UBE2H: variants seen among roughly 807,000 people sequenced by gnomAD.
UBE2H encodes ubiquitin-conjugating enzyme E2 H.
Under a neutral mutation model 29.0 loss-of-function variants are expected in UBE2H, and 3 were observed. That is an observed-to-expected ratio of 0.10 (90% CI 0.05 to 0.27). UBE2H has a LOEUF of 0.27. Ranked by LOEUF, UBE2H falls within the 10% of genes least tolerant of loss-of-function variation. The pLI is 1.00. For missense variants in UBE2H, 68 were observed against 228.2 expected (o/e 0.30, Z 4.52); for synonymous variants, 69 against 82.9 (o/e 0.83, Z 0.91).
intron 5 of UBE2H, among the ~76,000 whole-genome samples, chr7:129,843,050 G>T (rs774690112): frequency 6.8e-6 from 1 of 148,034 alleles, no homozygotes; most frequent in East Asian, 2.0e-4. Flanking sequence ...CCAGGCTGGG[G>T]TGCAGTAGTG....
chr7:129,880,762 T>A, intron 2 of UBE2H, 133 bp downstream of exon 2: 1 of 671,996 alleles, frequency 1.5e-6, no homozygotes, highest in Non-Finnish European at 2.5e-6. Flanking sequence ...GAGAAAGATT[T>A]CCTCACTGGT....
chr7:129,850,962 G>GA (rs1805599218), intron 5 of UBE2H, among the ~76,000 whole-genome samples: 2 of 152,240 alleles, frequency 1.3e-5, no homozygotes, highest in South Asian at 4.2e-4. Context: ...GCAGGGTGCT[G>GA]AAACTGGGAA....
intron 5 of UBE2H, among the ~76,000 whole-genome samples, chr7:129,840,327 T>C (rs1036603245): frequency 2.8e-4 from 42 of 152,010 alleles, no homozygotes; most frequent in African/African-American, 8.2e-4. Context: ...AATTGGACTA[T>C]AGGCATGTGC....
At chr7:129,854,067 T>TTTATTTTTTTATTTTTTTTTA (rs1805661048) in intron 5 of UBE2H, among the ~76,000 whole-genome samples, 1 of 148,784 alleles carries the variant, frequency 6.7e-6, no homozygotes, top group African/African-American at 2.5e-5. Context: ...TTAGTTTTTT[T>TTTATTTTTTTATTTTTTTTTA]TTTTTTTTTT....
At position 129,939,018 on chromosome 7, in the gene UBE2H, C is replaced by T. The variant is rs546230353; in HGVS notation, c.53+13485G>A. 3.9e-5 allele frequency among the ~76,000 whole-genome samples: 6 copies of T among 152,066 alleles called. No individual in the cohort carries two copies. In the East Asian group the frequency reaches 9.7e-4, roughly 25 times the overall value. On this transcript the variant is annotated intron_variant, in intron 1 of 6. Coordinates refer to ENST00000355621, the MANE Select transcript of UBE2H (RefSeq NM_003344.4). Reference sequence around the variant, plus strand: ...TTCACCATGTTGGCCAGGCTGGTCTCGAACTCCTGACCTCAGGTGATCTAT... The same window carrying T: ...TTCACCATGTTGGCCAGGCTGGTCTTGAACTCCTGACCTCAGGTGATCTAT...
chr7:129,870,096 A>C (rs992137383), intron 3 of UBE2H, among the ~76,000 whole-genome samples: 1 of 152,060 alleles, frequency 6.6e-6, no homozygotes, highest in African/African-American at 2.4e-5. Context: ...AAAAATTTCT[A>C]AACTCCTCCC....
intron 1 of UBE2H, among the ~76,000 whole-genome samples, chr7:129,919,100 T>TAAAAAAAAAAAAAAAAAAAAACAAAAAA (rs1204331286): frequency 1.4e-5 from 1 of 72,186 alleles, no homozygotes. Flanking sequence ...AAAAACAAAG[T>TAAAAAAAAAAAAAAAAAAAAACAAAAAA]AAAAAAAAAA....
At chr7:129,887,598 C>T (rs1419476108) in intron 1 of UBE2H, among the ~76,000 whole-genome samples, 4 of 151,966 alleles carry the variant, frequency 2.6e-5, no homozygotes, top group Non-Finnish European at 5.9e-5. Flanking sequence ...TCCTGAGGTG[C>T]GACAGTTTGA....
intron 3 of UBE2H, among the ~76,000 whole-genome samples, chr7:129,878,534 T>G (rs1407010249): frequency 6.6e-6 from 1 of 151,896 alleles, no homozygotes; most frequent in Non-Finnish European, 1.5e-5. Flanking sequence ...ATACAAAAAA[T>G]TAGCCGGGTG....
intron 1 of UBE2H, among the ~76,000 whole-genome samples, chr7:129,891,488 C>T (rs938144572): frequency 1.3e-5 from 2 of 152,104 alleles, no homozygotes; most frequent in Non-Finnish European, 2.9e-5. Flanking sequence ...GCTGACACAA[C>T]AGGAACTTAA....
At chr7:129,889,732 C>A (rs188989945) in intron 1 of UBE2H, among the ~76,000 whole-genome samples, 202 of 152,196 alleles carry the variant, frequency 1.3e-3, no homozygotes, top group Admixed American at 2.0e-3. Flanking sequence ...CTATTTAATC[C>A]CAACACTTTG....
chr7:129,860,835 T>C (rs1805786484), intron 3 of UBE2H, among the ~76,000 whole-genome samples: 1 of 152,060 alleles, frequency 6.6e-6, no homozygotes, highest in African/African-American at 2.4e-5. Flanking sequence ...TGAACCAACA[T>C]ATACCAAATT....
At chr7:129,863,686 A>T (rs144750669) in intron 3 of UBE2H, among the ~76,000 whole-genome samples, 3 of 152,036 alleles carry the variant, frequency 2.0e-5, no homozygotes, top group African/African-American at 7.2e-5. Context: ...AAACCCTCTG[A>T]CTCTTCTAAA....
chr7:129,898,978 T>C (rs1347083695), intron 1 of UBE2H, among the ~76,000 whole-genome samples: 1 of 152,230 alleles, frequency 6.6e-6, no homozygotes, highest in Non-Finnish European at 1.5e-5. Flanking sequence ...CAAAGACATG[T>C]AGGTACAAAC....
Position 129,845,872 on chromosome 7 carries a change from A to G in UBE2H, c.299-6537T>C, listed in dbSNP as rs539019741. On this transcript the variant is annotated intron_variant, in intron 5 of 6. Coordinates refer to ENST00000355621, the MANE Select transcript of UBE2H (RefSeq NM_003344.4). ...GAAGTATAACATTGCTATTCCTTAC[A>G]GGGAAGTAACACACATTACTAAAAG... Among the ~76,000 whole-genome samples, 3 of 152,332 alleles carry G rather than the reference A, an allele frequency of 2.0e-5. No individual in the cohort carries two copies. The East Asian group carries it at 5.8e-4, about 29-fold the overall frequency.
chr7:129,841,128 A>C (rs1805422225), intron 5 of UBE2H, among the ~76,000 whole-genome samples: 2 of 152,192 alleles, frequency 1.3e-5, no homozygotes, highest in South Asian at 4.1e-4. Context: ...CGGTAGGCAA[A>C]CCTTTTTGTA....
chr7:129,952,698 G>GC lies in UBE2H; in HGVS notation c.-144dup. ...CCCGGCGGTCCCGTCAGCCGCCGCCGCCGCCCCCCGCACGGGGGAACACCG... is the reference window on the plus strand; with the variant it reads ...CCCGGCGGTCCCGTCAGCCGCCGCCGCCCGCCCCCCGCACGGGGGAACACCG... On this transcript the variant is annotated 5_prime_UTR_variant, in exon 1 of 7. Transcript: ENST00000355621. 1 of 913,076 alleles carries GC rather than the reference G, an allele frequency of 1.1e-6. No individual in the cohort carries two copies. Among genetic ancestry groups the GC allele is most frequent in the Non-Finnish European group, 1.5e-6 (1 of 668,328 alleles). 56.6% of individuals were successfully genotyped at this position (913,076 alleles called of 1,614,324 possible).
intron 1 of UBE2H, among the ~76,000 whole-genome samples, chr7:129,882,252 T>C (rs1399037988): frequency 6.6e-6 from 1 of 152,226 alleles, no homozygotes; most frequent in Admixed American, 6.5e-5. Context: ...TCAGTAGGAA[T>C]TTTAGGTGAC....
intron 1 of UBE2H, among the ~76,000 whole-genome samples, chr7:129,919,697 T>G (rs536981681): frequency 3.2e-4 from 48 of 152,324 alleles, no homozygotes; most frequent in African/African-American, 1.2e-3. Context: ...TGCCACTCAC[T>G]GGGAGACAAA....
Sources: allele counts gnomAD v4.1 joint callset (sites outside exome capture counted in the v4.1 genomes callset), GRCh38; gene constraint gnomAD v4.1.1; transcripts MANE v1.5; gene names NCBI Gene and HGNC (gene_info 2026-07-23, HGNC 2026-07-21).